Variants in MAML3 observed in about 807,000 individuals in gnomAD.
The protein encoded by MAML3 is mastermind-like protein 3.
A neutral mutation model predicts 101.9 loss-of-function variants in MAML3; 27 were observed. The observed-to-expected ratio is 0.27, with a 90% CI of 0.20 to 0.37. The LOEUF (loss-of-function observed/expected upper bound fraction) is 0.37. Among genes scored for constraint, MAML3 ranks in the 10% least tolerant of loss-of-function variants. The pLI is 1.00. For synonymous variants in MAML3, 501 were observed against 555.9 expected, an observed-to-expected ratio of 0.90 and a Z score of 1.39; for missense variants, 1,316 against 1,444.9, an observed-to-expected ratio of 0.91 and a Z score of 1.45.
Position 139,890,012 on chromosome 4 carries a change from T to C in MAML3, c.1424A>G (p.Gln475Arg). The change falls in exon 2 of 5, where the codon CAG becomes CGG. Residue 475 changes from glutamine to arginine, a missense_variant. Coordinates refer to ENST00000509479, the MANE Select transcript of MAML3 (RefSeq NM_018717.5). The surrounding 1 kb of genome is among the most constrained non-coding windows in gnomAD (Gnocchi z 4.1). The stretch of plus-strand genomic sequence containing the variant: ...CTGCATGAGTTTGGCCCTTTGTTGC[T>C]GCTGTGCAGCCATCTGTTTGAGCTG... The part of the protein sequence containing the change: ...AEQLKQMAAQ[Q>R]QQRAKLMQQK... 1.9e-6 allele frequency: 3 copies of C among 1,610,570 alleles called. No homozygotes were observed. Among genetic ancestry groups the C allele is most frequent in the Non-Finnish European group, 2.5e-6 (3 of 1,178,072 alleles).
intron 1 of MAML3, among the ~76,000 whole-genome samples, chr4:140,079,878 T>C (rs1727836040): frequency 6.6e-6 from 1 of 152,240 alleles, no homozygotes; most frequent in African/African-American, 2.4e-5. Context: ...TGTCTCAGAC[T>C]GACCTGTAAA....
intron 1 of MAML3, among the ~76,000 whole-genome samples, chr4:140,022,154 A>G (rs957556115): frequency 2.6e-5 from 4 of 152,216 alleles, no homozygotes; most frequent in African/African-American, 9.6e-5. Flanking sequence ...GACCTGTTTC[A>G]AATAGGGGTA....
At chr4:139,776,071 G>T (rs1730090687) in intron 2 of MAML3, among the ~76,000 whole-genome samples, 1 of 152,186 alleles carries the variant, frequency 6.6e-6, no homozygotes, top group Admixed American at 6.5e-5. Flanking sequence ...TGCCAAATCA[G>T]AATGTATTAA....
intron 1 of MAML3, among the ~76,000 whole-genome samples, chr4:140,057,059 A>T (rs923976930): frequency 6.6e-6 from 1 of 152,168 alleles, no homozygotes; most frequent in African/African-American, 2.4e-5. Context: ...CAAAGTCAGG[A>T]TTTAAGCCAA....
chr4:139,954,929 C>T (rs1479849499), intron 1 of MAML3, among the ~76,000 whole-genome samples: 1 of 151,694 alleles, frequency 6.6e-6, no homozygotes, highest in Non-Finnish European at 1.5e-5. Flanking sequence ...TAAAGAATAA[C>T]AATGATAATA....
At chr4:139,838,900 G>T (rs1473702426) in intron 2 of MAML3, among the ~76,000 whole-genome samples, 1 of 152,182 alleles carries the variant, frequency 6.6e-6, no homozygotes, top group Non-Finnish European at 1.5e-5. Context: ...GTTGTGGTTT[G>T]CTTGGCCCCT....
chr4:139,884,068 G>A (rs1265634816), intron 2 of MAML3, among the ~76,000 whole-genome samples: 1 of 151,874 alleles, frequency 6.6e-6, no homozygotes, highest in East Asian at 1.9e-4. Flanking sequence ...ATTTTTAGTA[G>A]AGATGGGGTT....
At chr4:139,820,957 T>A (rs888671927) in intron 2 of MAML3, among the ~76,000 whole-genome samples, 1 of 152,218 alleles carries the variant, frequency 6.6e-6, no homozygotes, top group Non-Finnish European at 1.5e-5. Flanking sequence ...CTCCACATAC[T>A]GCTAAATTGT....
At chr4:139,970,832 G>T (rs923177937) in intron 1 of MAML3, among the ~76,000 whole-genome samples, 1 of 152,164 alleles carries the variant, frequency 6.6e-6, no homozygotes, top group Non-Finnish European at 1.5e-5. Context: ...CAGGGCCTAT[G>T]GCTTTTCACT....
At chr4:139,872,000 C>T (rs749898555) in intron 2 of MAML3, among the ~76,000 whole-genome samples, 6 of 152,102 alleles carry the variant, frequency 3.9e-5, no homozygotes, top group Non-Finnish European at 8.8e-5. Flanking sequence ...TTGGGTGAAA[C>T]GTGTTTACAA....
chr4:140,068,329 A>T (rs1727574291), intron 1 of MAML3, among the ~76,000 whole-genome samples: 1 of 152,192 alleles, frequency 6.6e-6, no homozygotes, highest in Non-Finnish European at 1.5e-5. Context: ...GTACACAGTA[A>T]ATGCTTTGGA....
intron 1 of MAML3, among the ~76,000 whole-genome samples, chr4:140,015,017 TAA>T (rs1328257875): frequency 6.6e-6 from 1 of 152,196 alleles, no homozygotes; most frequent in African/African-American, 2.4e-5. Flanking sequence ...TCAAAAAATT[TAA>T]AAAGTAATTA....
At chr4:139,818,764 C>T (rs1004955256) in intron 2 of MAML3, among the ~76,000 whole-genome samples, 3 of 152,156 alleles carry the variant, frequency 2.0e-5, no homozygotes, top group East Asian at 3.8e-4. Context: ...TAGAATGAAG[C>T]AAATACCCCA....
chr4:140,114,267 T>C (rs1467386386), intron 1 of MAML3, among the ~76,000 whole-genome samples: 2 of 152,224 alleles, frequency 1.3e-5, no homozygotes, highest in Non-Finnish European at 2.9e-5. Context: ...CGCTGTGGAA[T>C]GATGTGGAGA....
At chr4:140,083,124 T>C (rs1727890483) in intron 1 of MAML3, among the ~76,000 whole-genome samples, 1 of 152,230 alleles carries the variant, frequency 6.6e-6, no homozygotes, top group Admixed American at 6.5e-5. Context: ...CTCCATTTTA[T>C]GGAAAAGAAT....
At chr4:140,009,685 TA>T (rs1726516516) in intron 1 of MAML3, among the ~76,000 whole-genome samples, 1 of 152,168 alleles carries the variant, frequency 6.6e-6, no homozygotes, top group East Asian at 1.9e-4. Context: ...AACAAATACA[TA>T]AAGAGTACCT....
In MAML3 at chr4:139,832,640, A is replaced by G. The variant is rs7683643; in HGVS notation, c.2079+56717T>C. On this transcript the variant is annotated intron_variant, in intron 2 of 4. Coordinates refer to ENST00000509479, the MANE Select transcript of MAML3 (RefSeq NM_018717.5). ...CCTCTGGGATTGACCCAACAACAGG[A>G]ATTGTGCCTGGTGCCTACTTACTAA... Among the ~76,000 whole-genome samples the G allele has an allele frequency of 9.1e-4, 139 of 152,328 alleles. 1 individual carries two copies. Among genetic ancestry groups the G allele is most frequent in the African/African-American group, 3.2e-3 (134 of 41,556 alleles).
chr4:139,814,025 A>AACACACACACACACACACAC lies in MAML3; in HGVS notation c.2079+75312_2079+75331dup, dbSNP rs70943442. Among the ~76,000 whole-genome samples, 501 of 145,100 alleles carry AACACACACACACACACACAC rather than the reference A, an allele frequency of 3.5e-3. 1 individual carries two copies. Among genetic ancestry groups the AACACACACACACACACACAC allele is most frequent in the Middle Eastern group, 6.9e-3 (2 of 290 alleles). ...CAGCTAGCTACAGTACACAAACACA[A>AACACACACACACACACACAC]ACACACACACACACACACACACACA... On this transcript the variant is annotated intron_variant, in intron 2 of 4. Coordinates refer to ENST00000509479, the MANE Select transcript of MAML3 (RefSeq NM_018717.5).
chr4:140,100,707 G>A (rs1021908243), intron 1 of MAML3, among the ~76,000 whole-genome samples: 2 of 152,042 alleles, frequency 1.3e-5, no homozygotes, highest in Admixed American at 1.3e-4. Context: ...ATATGTGGTA[G>A]ATTAAAAATG....
Sources: allele counts gnomAD v4.1 joint callset (sites outside exome capture counted in the v4.1 genomes callset), GRCh38; gene constraint gnomAD v4.1.1; non-coding constraint Gnocchi (gnomAD v3.1); transcripts MANE v1.5; gene names NCBI Gene and HGNC (gene_info 2026-07-23, HGNC 2026-07-21).